Variants in FBN3 observed in about 807,000 individuals in gnomAD.
FBN3 encodes fibrillin 3.
Under a neutral mutation model 330.1 loss-of-function variants are expected in FBN3, and 234 were observed. The observed-to-expected ratio is 0.71, with a 90% CI of 0.64 to 0.79. The LOEUF (loss-of-function observed/expected upper bound fraction) is 0.79, where lower values mean the gene tolerates loss of function less well. FBN3 is among the 30% of genes least tolerant of loss of function. The pLI, the probability that FBN3 is intolerant of heterozygous loss-of-function variation, is 0.00. For missense variants in FBN3, 3,606 were observed against 3,886.9 expected, an observed-to-expected ratio of 0.93 and a Z score of 1.92; for synonymous variants, 1,458 against 1,517.3, an observed-to-expected ratio of 0.96 and a Z score of 0.91.
chr19:8,077,689 A>C (rs757844213), intron 59 of FBN3, among the ~76,000 whole-genome samples: 7 of 151,930 alleles, frequency 4.6e-5, no homozygotes, highest in Non-Finnish European at 8.8e-5. Context: ...GGAACAACAG[A>C]CATGGGAACA....
rs765122699 is a variant in FBN3 at position 8,106,225 on chromosome 19, C to T, written c.4696G>A (p.Glu1566Lys). 5.6e-6 allele frequency: 9 copies of T among 1,614,102 alleles called. No individual in the cohort carries two copies. The highest frequency in any genetic ancestry group is 1.6e-4 in the Middle Eastern group (1 of 6,062). Residue 1566 changes from glutamate (E) to lysine (K), a missense_variant, in exon 38 of 64, where the codon GAG becomes AAG. Coordinates refer to ENST00000600128, the MANE Select transcript of FBN3 (RefSeq NM_032447.5). ...CACAGCCCTGGCAGCTCTTGGCACTCGTCGATGTCTGTCAGGAAGTAAGGA... is the reference window on the plus strand; with the variant it reads ...CACAGCCCTGGCAGCTCTTGGCACTTGTCGATGTCTGTCAGGAAGTAAGGA... ...RITVILEDIDECQELPGLCQG... is the reference protein window; with the variant it reads ...RITVILEDIDKCQELPGLCQG...
chr19:8,123,346 C>A, intron 24 of FBN3, 118 bp downstream of exon 24: 1 of 1,147,204 alleles, frequency 8.7e-7, no homozygotes, highest in East Asian at 2.7e-5. Context: ...AAGAGTAAAA[C>A]TCCGTCTCGA....
chr19:8,075,087 C>G lies in FBN3; in HGVS notation c.7686G>C (p.Gln2562His). The stretch of plus-strand genomic sequence containing the variant: ...TTCACTCACCCACACACTGGGCCCA[C>G]TGGGAGTGCTGGGTGAAACCCTGGG... The part of the protein sequence containing the change: ...SCPQGFTQHS[Q>H]WAQCVDENEC... The change falls in exon 61 of 64, where the codon CAG (glutamine) becomes CAC (histidine). Residue 2562 changes from glutamine to histidine, a missense_variant. Physicochemically the swap from Gln to His is conservative, Grantham distance 24. Transcript: ENST00000600128. The G allele has an allele frequency of 6.2e-7, 1 of 1,601,510 alleles. No homozygotes were observed. The highest frequency in any genetic ancestry group is 8.5e-7 in the Non-Finnish European group (1 of 1,173,716).
chr19:8,090,440 G>T (rs896032799), intron 48 of FBN3, among the ~76,000 whole-genome samples, 189 bp from the exon 49 acceptor site: 1 of 151,588 alleles, frequency 6.6e-6, no homozygotes, highest in African/African-American at 2.4e-5. Flanking sequence ...CTGGGCCAAT[G>T]AGGATCTGCC....
At chr19:8,085,335 T>A in intron 56 of FBN3, 28 bp downstream of exon 56, 1 of 1,545,708 alleles carries the variant, frequency 6.5e-7, no homozygotes, top group Non-Finnish European at 8.7e-7. Context: ...CTTGCCTCCC[T>A]GGGGGTCCTG....
intron 38 of FBN3, among the ~76,000 whole-genome samples, chr19:8,104,919 TTTC>T (rs2082404892): frequency 6.8e-6 from 1 of 146,888 alleles, no homozygotes; most frequent in Non-Finnish European, 1.5e-5. Flanking sequence ...TCTTTCTTTC[TTTC>T]TTCTCTTTCT....
chr19:8,135,936 G>GGGGGGGGGGGGGGGCCCCCCC, intron 13 of FBN3, 25 bp downstream of exon 13: 45 of 668,664 alleles, frequency 6.7e-5, no homozygotes, highest in Non-Finnish European at 8.9e-5. Context: ...GGAAGCCCCT[G>GGGGGGGGGGGGGGGCCCCCCC]CCCACCCGCC....
In FBN3 at chr19:8,146,147, G is replaced by C. The variant is rs1214027731; in HGVS notation, c.329C>G (p.Pro110Arg). ...LCTCADGTLA[P>R]SCGVSRGSGC... ...CTCACCTCGGCTCACCCCGCAGCTG[G>C]GAGCCAGCGTCCCATCCGCACAGGT... The change falls in exon 4 of 64, where the codon CCC (proline) becomes CGC (arginine). Residue 110 changes from proline to arginine, a missense_variant. Coordinates refer to ENST00000600128, the MANE Select transcript of FBN3 (RefSeq NM_032447.5). 5 of 1,599,174 alleles carry C rather than the reference G, an allele frequency of 3.1e-6. No individual in the cohort carries two copies. In the Admixed American group the frequency reaches 8.7e-5, roughly 28 times the overall value.
At chr19:8,085,988 G>A (rs2081935966) in intron 55 of FBN3, among the ~76,000 whole-genome samples, 1 of 150,762 alleles carries the variant, frequency 6.6e-6, no homozygotes, top group South Asian at 2.1e-4. Context: ...ACAGGCAGTG[G>A]GAGGGACAGG....
At chr19:8,137,277 ACCTGGATCCCTCCAACCTGGGC>A (rs2083310058) in intron 10 of FBN3, among the ~76,000 whole-genome samples, 2 of 130,548 alleles carry the variant, frequency 1.5e-5, no homozygotes, top group African/African-American at 5.9e-5. Context: ...CCAACCTGGG[ACCTGGATCCCTCCAACCTGGGC>A]CCTAGATCCC....
chr19:8,075,495 T>C, intron 59 of FBN3, 84 bp from the exon 60 acceptor site: 1 of 1,448,326 alleles, frequency 6.9e-7, no homozygotes, highest in Non-Finnish European at 9.4e-7. Flanking sequence ...CACCACTGTG[T>C]GGCTTCAGGC....
At chr19:8,107,232 T>C (rs2082461146) in intron 37 of FBN3, among the ~76,000 whole-genome samples, 1 of 125,310 alleles carries the variant, frequency 8.0e-6, no homozygotes, top group Non-Finnish European at 1.7e-5. Flanking sequence ...GGTGGAAGGA[T>C]GGATGGATGG....
Position 8,121,495 on chromosome 19 carries a change from T to G in FBN3, c.3083-109A>C, listed in dbSNP as rs748310049. 2.6e-6 allele frequency: 3 copies of G among 1,139,396 alleles called. No homozygotes were observed. Among genetic ancestry groups the G allele is most frequent in the Non-Finnish European group, 3.6e-6 (3 of 832,204 alleles). 70.6% of individuals were successfully genotyped at this position (1,139,396 alleles called of 1,614,324 possible). A position where few individuals can be genotyped will look rare whatever the true frequency, so the allele number is the denominator to read the frequency against. On this transcript the variant is annotated intron_variant, in intron 24 of 63. Transcript: ENST00000600128. The surrounding 1 kb of genome is among the most constrained non-coding windows in gnomAD (Gnocchi z 4.5). The stretch of plus-strand genomic sequence containing the variant: ...GGAGGTGTGGGCTAGAGGAAGCCCA[T>G]CTGCAGACATAAGGAGGCACAGGCC...
At chr19:8,084,597 A>T (rs996632305) in intron 56 of FBN3, among the ~76,000 whole-genome samples, 8 of 151,136 alleles carry the variant, frequency 5.3e-5, no homozygotes, top group Non-Finnish European at 1.2e-4. Flanking sequence ...TTATTTATTT[A>T]TTTTTTTGGG....
chr19:8,115,346 G>A (rs573486693), intron 30 of FBN3, among the ~76,000 whole-genome samples, 169 bp downstream of exon 30: 39 of 152,250 alleles, frequency 2.6e-4, no homozygotes, highest in Middle Eastern at 6.8e-3. Context: ...GGGACCCCCC[G>A]GGGCACTGTA....
chr19:8,117,184 C>T lies in FBN3; in HGVS notation c.3571G>A (p.Gly1191Arg), dbSNP rs753686321. 23 of 1,614,092 alleles carry T rather than the reference C, an allele frequency of 1.4e-5. No individual in the cohort carries two copies. The South Asian group carries it at 2.0e-4, about 14-fold the overall frequency. ...CGQGYSLMPD[G>R]RACADVDECE... ...GCCCACCTACCTGCACATGCCCTTC[C>T]GTCGGGCATCAGCGAGTAGCCCTGC... Residue 1191 changes from glycine (G) to arginine (R), a missense_variant, in exon 28 of 64, where the codon GGA becomes AGA. By Grantham distance (125) the Gly-to-Arg change is moderately radical. Coordinates refer to ENST00000600128, the MANE Select transcript of FBN3 (RefSeq NM_032447.5).
At chr19:8,123,367 A>G (rs1646965538) in intron 24 of FBN3, 97 bp downstream of exon 24, 9 of 1,321,470 alleles carry the variant, frequency 6.8e-6, no homozygotes, top group Non-Finnish European at 9.3e-6. Flanking sequence ...AAAAAAAAAG[A>G]AGAAGAAAAA....
intron 46 of FBN3, among the ~76,000 whole-genome samples, chr19:8,095,148 C>A (rs888726440): frequency 6.6e-6 from 1 of 152,006 alleles, no homozygotes; most frequent in Non-Finnish European, 1.5e-5. Flanking sequence ...ATTTAAATTT[C>A]TTTGTAGAGA....
chr19:8,129,364 G>A lies in FBN3; in HGVS notation c.2046C>T (p.Asp682=), dbSNP rs774616140. ...CAGGATCCAGAGCACACTCGTTGATGTCTGCGGCAGGAGGAGGGTGTGTCA... is the reference window on the plus strand; with the variant it reads ...CAGGATCCAGAGCACACTCGTTGATATCTGCGGCAGGAGGAGGGTGTGTCA... ...SGLGITTDGR[D]INECALDPEV... is the part of the protein sequence containing the mutation. The change falls in exon 17 of 64, where the codon GAC becomes GAT. Residue 682 remains aspartate (D), a splice_region_variant and synonymous_variant. Coordinates refer to ENST00000600128, the MANE Select transcript of FBN3 (RefSeq NM_032447.5). The surrounding 1 kb of genome is among the most constrained non-coding windows in gnomAD (Gnocchi z 4.5). 12 of 1,613,878 alleles carry A rather than the reference G, an allele frequency of 7.4e-6. 1 individual carries two copies. The Admixed American group carries it at 8.3e-5, about 11-fold the overall frequency.
Sources: gnomAD v4.1 joint callset for allele counts (sites outside exome capture counted in the v4.1 genomes callset) on GRCh38, gnomAD v4.1.1 for gene constraint, Gnocchi (gnomAD v3.1) non-coding constraint, MANE v1.5 for transcripts, NCBI Gene and HGNC (gene_info 2026-07-23, HGNC 2026-07-21) for gene names.